Variants in KCNC4 observed in about 807,000 individuals in gnomAD.
The protein encoded by KCNC4 is voltage-gated potassium channel KCNC4.
A neutral mutation model predicts 42.8 loss-of-function variants in KCNC4; 23 were observed. The ratio of observed to expected loss-of-function variants is 0.54; its 90% CI spans 0.39 to 0.76. KCNC4 has a LOEUF of 0.76. KCNC4 is among the 30% of genes least tolerant of loss of function. The probability of loss-of-function intolerance (pLI) is 0.00; values close to 1 mark genes in which losing one functional copy is unlikely to be tolerated. For synonymous variants in KCNC4, 422 were observed against 393.5 expected (o/e 1.07, Z -0.86); for missense variants, 751 against 898.2 (o/e 0.84, Z 2.10).
chr1:110,246,781 G>GTTTTTTTTTT (rs1659158490), exon 4 of KCNC4: 1 of 53,476 alleles, frequency 1.9e-5, no homozygotes, highest in African/African-American at 9.1e-5. Flanking sequence ...TTTTTTTTTG[G>GTTTTTTTTTT]TACACATTTA....
exon 4 of KCNC4, chr1:110,239,444 G>A (rs1036983800): frequency 1.3e-5 from 2 of 152,142 alleles, no homozygotes; most frequent in Non-Finnish European, 2.9e-5. Context: ...ACGCCCCTCT[G>A]CCTCTGTCAG....
At position 110,210,772 on chromosome 1, in the gene KCNC4, C is replaced by G. The variant is rs1224713011; in HGVS notation, c.-728C>G. On this transcript the variant is annotated 5_prime_UTR_variant, in exon 1 of 4. Coordinates refer to ENST00000438661, the MANE Select transcript of KCNC4 (RefSeq NM_001039574.3). Reference sequence around the variant, plus strand: ...GCGGACGCAGGACCCGAGGCTCGCTCCTGCGGGCGCGCTTGTTTTCCAGCT... The same window carrying G: ...GCGGACGCAGGACCCGAGGCTCGCTGCTGCGGGCGCGCTTGTTTTCCAGCT... Among the ~76,000 whole-genome samples, 3 of 151,774 alleles carry G rather than the reference C, an allele frequency of 2.0e-5. No individual in the cohort carries two copies. The highest frequency in any genetic ancestry group is 7.3e-5 in the African/African-American group (3 of 41,372).
chr1:110,226,259 C>A, intron 3 of KCNC4, 81 bp downstream of exon 3: 1 of 1,248,304 alleles, frequency 8.0e-7, no homozygotes, highest in Non-Finnish European at 1.2e-6. Flanking sequence ...CCTGAGGTCC[C>A]CCCCTCCCCT....
At chr1:110,215,620 A>G (rs1212604459) in intron 1 of KCNC4, among the ~76,000 whole-genome samples, 1 of 152,116 alleles carries the variant, frequency 6.6e-6, no homozygotes, top group Non-Finnish European at 1.5e-5. Flanking sequence ...TGAGTAGAGG[A>G]GGGGACCCAC....
intron 1 of KCNC4, among the ~76,000 whole-genome samples, chr1:110,213,253 C>G (rs940682275): frequency 3.4e-4 from 50 of 145,644 alleles, no homozygotes; most frequent in African/African-American, 1.3e-3. Flanking sequence ...GGGCTGGTGT[C>G]GGATCTCATG....
chr1:110,257,046 C>T (rs1366945734), intron 1 of KCNC4: 2 of 153,562 alleles, frequency 1.3e-5, no homozygotes, highest in Non-Finnish European at 2.9e-5. Flanking sequence ...GACCAGTTTT[C>T]CCCTCCATGG....
At chr1:110,259,985 G>T (rs1382069090) in intron 1 of KCNC4, among the ~76,000 whole-genome samples, 2 of 152,194 alleles carry the variant, frequency 1.3e-5, no homozygotes, top group South Asian at 4.1e-4. Context: ...TGGCCAGGCT[G>T]CATTGTCCCA....
At chr1:110,222,792 T>G in intron 1 of KCNC4, 172 bp from the exon 2 acceptor site, 1 of 587,990 alleles carries the variant, frequency 1.7e-6, no homozygotes, top group Non-Finnish European at 3.0e-6. Context: ...CCCCCAAGCA[T>G]ATGGATAAAG....
At chr1:110,240,573 G>A in exon 4 of KCNC4, 1 of 152,514 alleles carries the variant, frequency 6.6e-6, no homozygotes, top group Non-Finnish European at 1.5e-5. Flanking sequence ...CTCAGAGACA[G>A]GTGCCCTGCC....
rs1359612582 is a variant in KCNC4 at position 110,211,047 on chromosome 1, A to G, written c.-453A>G. Among the ~76,000 whole-genome samples the G allele has an allele frequency of 1.3e-5, 2 of 152,206 alleles. No homozygotes were observed. The highest frequency in any genetic ancestry group is 2.1e-4 in the South Asian group (1 of 4,836). ...TGCCGCCGCTGCGGGGAAGCCGGCT[A>G]TTCCGGGGCTTGGTGCGGTCTTGGA... On this transcript the variant is annotated 5_prime_UTR_variant, in exon 1 of 4. Transcript: ENST00000438661. This position sits in a 1 kb window ranked among gnomAD's most constrained non-coding sequence, Gnocchi z 6.5.
chr1:110,279,112 A>G (rs1659776982), intron 1 of KCNC4, among the ~76,000 whole-genome samples: 1 of 152,174 alleles, frequency 6.6e-6, no homozygotes, highest in South Asian at 2.1e-4. Context: ...AAATGCAAGG[A>G]AAGGCTTGAT....
downstream of KCNC4, chr1:110,234,071 GCT>G (rs1658841075): frequency 6.6e-6 from 1 of 152,398 alleles, no homozygotes; most frequent in Middle Eastern, 3.1e-3. Flanking sequence ...CTCCTTTCTG[GCT>G]CTGTGTCTAT....
At chr1:110,282,688 C>A (rs910077808) in intron 2 of KCNC4, 7 of 152,218 alleles carry the variant, frequency 4.6e-5, no homozygotes, top group African/African-American at 1.7e-4. Flanking sequence ...GGTAGAAGCA[C>A]CTTCTTCGAA....
chr1:110,226,043 C>T lies in KCNC4; in HGVS notation c.1684C>T (p.Leu562=), dbSNP rs779275404. The change falls in exon 3 of 4, where the codon CTG becomes TTG. Residue 562 remains leucine (L), a synonymous_variant. Coordinates refer to ENST00000438661, the MANE Select transcript of KCNC4 (RefSeq NM_001039574.3). The part of the protein sequence containing the change: ...DEEGAGLTQP[L]ASSPTPEERR... ...GGAGGGAGCTGGCCTCACCCAACCC[C>T]TGGCCTCCTCCCCGACCCCCGAGGA... The T allele has an allele frequency of 3.1e-6, 5 of 1,613,998 alleles. No individual in the cohort carries two copies. The South Asian group carries it at 5.5e-5, about 18-fold the overall frequency.
chr1:110,218,317 A>AT (rs1657911648), intron 1 of KCNC4, among the ~76,000 whole-genome samples: 1 of 152,136 alleles, frequency 6.6e-6, no homozygotes, highest in Non-Finnish European at 1.5e-5. Context: ...TAGCAAGCAG[A>AT]TTGTAGCCTC....
chr1:110,223,083 C>A lies in KCNC4; in HGVS notation c.798C>A (p.Ile266=), dbSNP rs373905574. 4 of 1,614,202 alleles carry A rather than the reference C, an allele frequency of 2.5e-6. No homozygotes were observed. In the African/African-American group the frequency reaches 5.3e-5, roughly 22 times the overall value. Reference sequence around the variant, plus strand: ...CAGAGATCCTCCGCGTAGGGAACATCACCAGCGTGCACTTCCGGCGGGAGG... The same window carrying A: ...CAGAGATCCTCCGCGTAGGGAACATAACCAGCGTGCACTTCCGGCGGGAGG... ...NVTEILRVGN[I]TSVHFRREVE... The change falls in exon 2 of 4, where the codon ATC becomes ATA. Residue 266 remains isoleucine (I), a synonymous_variant. Coordinates refer to ENST00000438661, the MANE Select transcript of KCNC4 (RefSeq NM_001039574.3). This position sits in a 1 kb window ranked among gnomAD's most constrained non-coding sequence, Gnocchi z 7.5.
At chr1:110,254,193 T>G (rs547982546) in intron 1 of KCNC4, among the ~76,000 whole-genome samples, 2 of 151,660 alleles carry the variant, frequency 1.3e-5, no homozygotes, top group Non-Finnish European at 2.9e-5. Flanking sequence ...TATCTGGAGA[T>G]GCTTTGTCAG....
intron 1 of KCNC4, among the ~76,000 whole-genome samples, chr1:110,213,951 C>T (rs1468411634): frequency 6.6e-6 from 1 of 152,200 alleles, no homozygotes; most frequent in Non-Finnish European, 1.5e-5. Context: ...GGCCCTATTT[C>T]TGAGCATTCT....
intron 1 of KCNC4, among the ~76,000 whole-genome samples, chr1:110,273,318 C>T (rs768635740): frequency 6.6e-6 from 1 of 152,218 alleles, no homozygotes; most frequent in Non-Finnish European, 1.5e-5. Context: ...TAAACCTTCA[C>T]TAAATCATGA....
Sources: gnomAD v4.1 joint callset for allele counts (sites outside exome capture counted in the v4.1 genomes callset) on GRCh38, gnomAD v4.1.1 for gene constraint, Gnocchi (gnomAD v3.1) non-coding constraint, MANE v1.5 for transcripts, NCBI Gene and HGNC (gene_info 2026-07-23, HGNC 2026-07-21) for gene names.